The following PCP4L1 variants were observed in gnomAD, a reference collection of about 807,000 sequenced individuals.
PCP4L1 encodes the protein Purkinje cell protein 4-like protein 1.
A neutral mutation model predicts 9.6 loss-of-function variants in PCP4L1; 9 were observed. The observed-to-expected ratio is 0.94, with a 90% CI of 0.57 to 1.64. The LOEUF (loss-of-function observed/expected upper bound fraction) is 1.64, where lower values mean the gene tolerates loss of function less well. PCP4L1 is among the 40% of genes most tolerant of loss of function. The pLI, the probability that PCP4L1 is intolerant of heterozygous loss-of-function variation, is 0.00. For missense variants in PCP4L1, 81 were observed against 80.8 expected (o/e 1.00, Z -0.01); for synonymous variants, 31 against 28.2 (o/e 1.10, Z -0.31).
chr1:161,259,008 G>C (rs2102228235), intron 1 of PCP4L1, 25 bp downstream of exon 1: 1 of 1,530,430 alleles, frequency 6.5e-7, no homozygotes, highest in South Asian at 1.2e-5. Flanking sequence ...CCCCGGCGCT[G>C]TCGGCAGGGC....
chr1:161,267,708 G>GT (rs1558142705), intron 1 of PCP4L1, among the ~76,000 whole-genome samples: 2 of 133,860 alleles, frequency 1.5e-5, no homozygotes, highest in Non-Finnish European at 3.4e-5. Flanking sequence ...ACAATACTAT[G>GT]TTTTGTTTTT....
chr1:161,267,529 T>C (rs1669550370), intron 1 of PCP4L1, among the ~76,000 whole-genome samples: 1 of 152,176 alleles, frequency 6.6e-6, no homozygotes, highest in South Asian at 2.1e-4. Flanking sequence ...CAGTGGTTGC[T>C]GTGGCAACGC....
chr1:161,266,747 C>T (rs1669537818), intron 1 of PCP4L1, among the ~76,000 whole-genome samples: 1 of 151,966 alleles, frequency 6.6e-6, no homozygotes, highest in Non-Finnish European at 1.5e-5. Context: ...GTAAGGATTC[C>T]TAGTTCTTTT....
chr1:161,266,518 T>A (rs1015385343), intron 1 of PCP4L1, among the ~76,000 whole-genome samples: 2 of 152,108 alleles, frequency 1.3e-5, no homozygotes, highest in African/African-American at 4.8e-5. Flanking sequence ...CTGCATACCA[T>A]GAGCTGGCAT....
chr1:161,269,212 T>G lies in PCP4L1; in HGVS notation c.9+10229T>G, dbSNP rs994102190. Among the ~76,000 whole-genome samples, 4 of 152,196 alleles carry G rather than the reference T, an allele frequency of 2.6e-5. No homozygotes were observed. The East Asian group carries it at 5.8e-4, about 22-fold the overall frequency. ...ACATAAACAAATGGAAAACATGGACTGTGCTTCAAAGGAAATAAAATCTAT... is the reference window on the plus strand; with the variant it reads ...ACATAAACAAATGGAAAACATGGACGGTGCTTCAAAGGAAATAAAATCTAT... On this transcript the variant is annotated intron_variant, in intron 1 of 2. Transcript: ENST00000504449.
At chr1:161,265,093 A>G (rs11265578) in intron 1 of PCP4L1, among the ~76,000 whole-genome samples, 4,914 of 152,214 alleles carry the variant, frequency 0.032, 258 homozygotes, top group African/African-American at 0.11. Flanking sequence ...CTTAATTTCA[A>G]TGTTCATCAT....
chr1:161,281,719 C>T (rs368465225), intron 1 of PCP4L1, among the ~76,000 whole-genome samples: 58,410 of 133,416 alleles, frequency 0.44, 13,964 homozygotes, highest in East Asian at 0.63. Context: ...ACGGGGCGGC[C>T]GGGCAGAGAC....
At chr1:161,268,551 C>CTTTTTTTTTTTT (rs10654377) in intron 1 of PCP4L1, among the ~76,000 whole-genome samples, 2 of 114,054 alleles carry the variant, frequency 1.8e-5, no homozygotes, top group African/African-American at 3.4e-5. Context: ...TTCCTTTTAC[C>CTTTTTTTTTTTT]TTTTTTTTTT....
chr1:161,265,429 C>A (rs1382778532), intron 1 of PCP4L1, among the ~76,000 whole-genome samples: 4 of 152,034 alleles, frequency 2.6e-5, no homozygotes, highest in Non-Finnish European at 5.9e-5. Context: ...ACTTGGGAGG[C>A]TGAGGTGGTG....
intron 1 of PCP4L1, among the ~76,000 whole-genome samples, chr1:161,273,879 C>T (rs1669662210): frequency 6.6e-6 from 1 of 152,186 alleles, no homozygotes; most frequent in South Asian, 2.1e-4. Context: ...ATTGTATACG[C>T]ATGCACATAC....
At chr1:161,274,991 A>C (rs555463868) in intron 1 of PCP4L1, among the ~76,000 whole-genome samples, 53 of 152,266 alleles carry the variant, frequency 3.5e-4, no homozygotes, top group Non-Finnish European at 5.3e-4. Context: ...AATTTAACCT[A>C]AATGGAGCTA....
chr1:161,263,970 C>T (rs1292462824), intron 1 of PCP4L1, among the ~76,000 whole-genome samples: 2 of 137,976 alleles, frequency 1.4e-5, no homozygotes, highest in Non-Finnish European at 3.0e-5. Flanking sequence ...AGTGCAGTGG[C>T]GCCATTTTGG....
chr1:161,272,545 C>T (rs1234208090), intron 1 of PCP4L1, among the ~76,000 whole-genome samples: 3 of 133,722 alleles, frequency 2.2e-5, no homozygotes, highest in Non-Finnish European at 3.1e-5. Context: ...GCAACAAAAG[C>T]GAAACTCCGT....
chr1:161,262,198 G>C (rs1669427999), intron 1 of PCP4L1, among the ~76,000 whole-genome samples: 1 of 152,076 alleles, frequency 6.6e-6, no homozygotes, highest in African/African-American at 2.4e-5. Context: ...ACTTGGGGAG[G>C]CCAAGGTGGG....
chr1:161,259,071 A>G, intron 1 of PCP4L1, 88 bp downstream of exon 1: 1 of 1,491,190 alleles, frequency 6.7e-7, no homozygotes, highest in Non-Finnish European at 8.9e-7. Flanking sequence ...AGGGAGAGCG[A>G]GGCAGACCGG....
rs902614467 is a variant in PCP4L1 at position 161,285,295 on chromosome 1, C to A, written c.*814C>A. The stretch of plus-strand genomic sequence containing the variant: ...TCACCGCTAACCCTCCAAGTCTAAC[C>A]ATCCCCAGAGGCCACACAAACCAAG... On this transcript the variant is annotated 3_prime_UTR_variant, in exon 3 of 3. Transcript: ENST00000504449. The A allele has an allele frequency of 6.6e-6, 1 of 152,362 alleles. No individual in the cohort carries two copies. Among genetic ancestry groups the A allele is most frequent in the Non-Finnish European group, 1.5e-5 (1 of 68,026 alleles). The allele number at this position is 152,362 out of a possible 1,614,324, so 9.4% of individuals were successfully genotyped here.
chr1:161,261,681 G>A (rs1669419898), intron 1 of PCP4L1, among the ~76,000 whole-genome samples: 1 of 152,232 alleles, frequency 6.6e-6, no homozygotes, highest in Admixed American at 6.5e-5. Context: ...TCATCTGCGA[G>A]AAGCCTAGCT....
intron 1 of PCP4L1, among the ~76,000 whole-genome samples, chr1:161,262,390 C>T (rs1170499585): frequency 7.1e-6 from 1 of 141,260 alleles, no homozygotes; most frequent in Non-Finnish European, 1.5e-5. Flanking sequence ...GCCGAGATCG[C>T]ACCACTGCAC....
intron 1 of PCP4L1, among the ~76,000 whole-genome samples, chr1:161,281,793 G>A (rs1307747492): frequency 3.7e-5 from 1 of 26,986 alleles, no homozygotes; most frequent in Non-Finnish European, 5.9e-5. Flanking sequence ...CGGACGGGGC[G>A]GCGGGGCAGA....
Sources: gnomAD v4.1 joint callset for allele counts (sites outside exome capture counted in the v4.1 genomes callset) on GRCh38, gnomAD v4.1.1 for gene constraint, MANE v1.5 for transcripts, NCBI Gene and HGNC (gene_info 2026-07-23, HGNC 2026-07-21) for gene names.